The following DIP2C variants were observed in gnomAD, a reference collection of about 807,000 sequenced individuals.
DIP2C encodes the protein disco-interacting protein 2 homolog C.
DIP2C carries 33 observed loss-of-function variants against 192.4 expected under a neutral mutation model. That is an observed-to-expected ratio of 0.17 (90% CI 0.13 to 0.23). The LOEUF (loss-of-function observed/expected upper bound fraction) is 0.23, where lower values mean the gene tolerates loss of function less well. Ranked by LOEUF, DIP2C falls within the 10% of genes least tolerant of loss-of-function variation. The probability of loss-of-function intolerance (pLI) is 1.00; values close to 1 mark genes in which losing one functional copy is unlikely to be tolerated. For synonymous variants in DIP2C, 979 were observed against 864.1 expected (o/e 1.13, Z -2.33); for missense variants, 1,537 against 2,110.1 (o/e 0.73, Z 5.32).
chr10:335,884 A>G (rs770241297), intron 29 of DIP2C, among the ~76,000 whole-genome samples: 3 of 152,128 alleles, frequency 2.0e-5, no homozygotes, highest in Non-Finnish European at 2.9e-5. Flanking sequence ...TATTTTACTC[A>G]AAGTGTTACA....
At chr10:650,260 C>T (rs1368625287) in intron 1 of DIP2C, 7 of 716,790 alleles carry the variant, frequency 9.8e-6, no homozygotes, top group East Asian at 5.4e-5. Context: ...ACAGCTGGCC[C>T]GAGGTGACAC....
intron 1 of DIP2C, among the ~76,000 whole-genome samples, chr10:585,544 C>CA (rs1850966886): frequency 6.6e-6 from 1 of 152,192 alleles, no homozygotes; most frequent in Non-Finnish European, 1.5e-5. Flanking sequence ...TCCTGAAGCT[C>CA]CAACACTCAA....
chr10:415,216 T>C (rs1432463571), intron 7 of DIP2C, among the ~76,000 whole-genome samples: 2 of 152,160 alleles, frequency 1.3e-5, no homozygotes, highest in African/African-American at 4.8e-5. Context: ...TCTGTCACTT[T>C]ATGACTGACA....
chr10:433,071 G>T (rs954510066), intron 4 of DIP2C, among the ~76,000 whole-genome samples: 5 of 152,172 alleles, frequency 3.3e-5, no homozygotes, highest in African/African-American at 1.2e-4. Flanking sequence ...GCATTCTGTT[G>T]TTGGAGGAAA....
rs553857582 is a variant in DIP2C, at chr10:311,063, A to G, written c.3925-971T>C. Among the ~76,000 whole-genome samples the G allele has an allele frequency of 1.7e-3, 252 of 152,190 alleles. 1 individual carries two copies. Among genetic ancestry groups the G allele is most frequent in the African/African-American group, 5.8e-3 (239 of 41,532 alleles). Reference sequence around the variant, plus strand: ...CAATGTCATGAAAACATACCATAGTACTCAATAACCCTGGGCCCTGGTATC... The same window carrying G: ...CAATGTCATGAAAACATACCATAGTGCTCAATAACCCTGGGCCCTGGTATC... On this transcript the variant is annotated intron_variant, in intron 31 of 36. Coordinates refer to ENST00000280886, the MANE Select transcript of DIP2C (RefSeq NM_014974.3).
intron 1 of DIP2C, among the ~76,000 whole-genome samples, chr10:527,532 T>C (rs1183838562): frequency 6.6e-6 from 1 of 152,232 alleles, no homozygotes; most frequent in Non-Finnish European, 1.5e-5. Flanking sequence ...CAGCAAGAGT[T>C]TGTTGAAAGT....
chr10:415,746 C>A (rs115216691), intron 7 of DIP2C, 23 bp downstream of exon 7: 3 of 1,612,590 alleles, frequency 1.9e-6, no homozygotes, highest in South Asian at 1.1e-5. Flanking sequence ...CTGGAAGAAA[C>A]GTGTGGTAAA....
At chr10:644,941 T>C (rs1855375151) in intron 1 of DIP2C, among the ~76,000 whole-genome samples, 1 of 152,120 alleles carries the variant, frequency 6.6e-6, no homozygotes, top group Non-Finnish European at 1.5e-5. Context: ...ACAGTGAAGA[T>C]GGATGAGATG....
At chr10:341,020 G>T in intron 29 of DIP2C, 179 bp downstream of exon 29, 2 of 850,542 alleles carry the variant, frequency 2.4e-6, no homozygotes, top group Non-Finnish European at 3.9e-6. Flanking sequence ...CACCCCAGGT[G>T]CTGCTTTCCC....
At chr10:532,078 G>C (rs1847404768) in intron 1 of DIP2C, among the ~76,000 whole-genome samples, 1 of 152,134 alleles carries the variant, frequency 6.6e-6, no homozygotes, top group Non-Finnish European at 1.5e-5. Flanking sequence ...ATAAATCCTA[G>C]AAGTGACTGA....
At chr10:525,251 G>A (rs940817724) in intron 1 of DIP2C, among the ~76,000 whole-genome samples, 6 of 152,118 alleles carry the variant, frequency 3.9e-5, no homozygotes, top group African/African-American at 4.8e-5. Context: ...GCCTCAAACC[G>A]AGATAGAATT....
At position 689,479 on chromosome 10, in the gene DIP2C, C is replaced by A. The variant is rs780657237; in HGVS notation, c.85+15G>T. ...GGTGACAGCGCGGCCCGGCCCGGGG[C>A]GGGGGCCCGGTTACCTTCCGACAGC... On this transcript the variant is annotated intron_variant, in intron 1 of 36. Coordinates refer to ENST00000280886, the MANE Select transcript of DIP2C (RefSeq NM_014974.3). The surrounding 1 kb of genome is among the most constrained non-coding windows in gnomAD (Gnocchi z 6.1). 3.3e-6 allele frequency: 4 copies of A among 1,194,314 alleles called. No individual in the cohort carries two copies. Among genetic ancestry groups the A allele is most frequent in the East Asian group, 5.8e-5 (1 of 17,200 alleles). 74.0% of individuals were successfully genotyped at this position (1,194,314 alleles called of 1,614,324 possible).
chr10:361,479 C>T (rs1281260677), intron 22 of DIP2C, among the ~76,000 whole-genome samples: 13 of 152,286 alleles, frequency 8.5e-5, no homozygotes, highest in Admixed American at 5.9e-4. Flanking sequence ...GGAGTCATTA[C>T]AGCTTTGTAT....
intron 1 of DIP2C, among the ~76,000 whole-genome samples, chr10:540,996 C>T (rs1419870446): frequency 6.8e-6 from 1 of 147,686 alleles, no homozygotes; most frequent in Non-Finnish European, 1.5e-5. Context: ...AGCCACAACA[C>T]CCGATGCTGG....
At chr10:426,805 C>T (rs571035632) in intron 4 of DIP2C, among the ~76,000 whole-genome samples, 2 of 151,732 alleles carry the variant, frequency 1.3e-5, no homozygotes, top group African/African-American at 4.8e-5. Context: ...CCCAACACAC[C>T]AAAAAGAAAA....
Position 651,470 on chromosome 10 carries a change from T to A in DIP2C, c.85+38024A>T. On this transcript the variant is annotated intron_variant, in intron 1 of 36. Transcript: ENST00000280886. The surrounding 1 kb of genome is among the most constrained non-coding windows in gnomAD (Gnocchi z 4.1). The stretch of plus-strand genomic sequence containing the variant: ...AAATAGCAGAAGACTTAGTAGAATG[T>A]ATGAGTAACAATTACAATTATATGA... 3.1e-6 allele frequency: 2 copies of A among 639,626 alleles called. No individual in the cohort carries two copies. The highest frequency in any genetic ancestry group is 3.4e-5 in the South Asian group (2 of 59,498). The allele number at this position is 639,626 out of a possible 1,614,324, so 39.6% of individuals were successfully genotyped here. A position where few individuals can be genotyped will look rare whatever the true frequency, so the allele number is the denominator to read the frequency against.
rs1345505820 is a variant in DIP2C, at chr10:399,009, G to T, written c.1260+100C>A. The T allele has an allele frequency of 1.3e-5, 13 of 1,012,966 alleles. No homozygotes were observed. In the Admixed American group the frequency reaches 2.7e-4, roughly 21 times the overall value. 62.7% of individuals were successfully genotyped at this position (1,012,966 alleles called of 1,614,324 possible). A position where few individuals can be genotyped will look rare whatever the true frequency, so the allele number is the denominator to read the frequency against. On this transcript the variant is annotated intron_variant, in intron 10 of 36. Transcript: ENST00000280886. ...ATCGAGGCAACCGAAGGAAACCCAG[G>T]GCCCCAGAAACAGCGAGGAGACCCT...
At chr10:489,311 C>G (rs899765299) in intron 1 of DIP2C, among the ~76,000 whole-genome samples, 1 of 152,190 alleles carries the variant, frequency 6.6e-6, no homozygotes, top group African/African-American at 2.4e-5. Context: ...TACATGCCGT[C>G]CTTTATTTTG....
chr10:405,512 ATTTGT>A (rs1172277055), intron 9 of DIP2C, among the ~76,000 whole-genome samples: 5 of 152,308 alleles, frequency 3.3e-5, no homozygotes, highest in Admixed American at 2.0e-4. Context: ...TTTTTTTGCA[ATTTGT>A]TTTAAGGAAG....
Sources: allele counts gnomAD v4.1 joint callset (sites outside exome capture counted in the v4.1 genomes callset), GRCh38; gene constraint gnomAD v4.1.1; non-coding constraint Gnocchi (gnomAD v3.1); transcripts MANE v1.5; gene names NCBI Gene and HGNC (gene_info 2026-07-23, HGNC 2026-07-21).